SERPINB8: variants seen among roughly 807,000 people sequenced by gnomAD.
SERPINB8 encodes serpin family B member 8, also known as serpin B8.
In SERPINB8, 25 loss-of-function variants were observed where a neutral mutation model predicts 35.3. The observed-to-expected ratio is 0.71, with a 90% CI of 0.52 to 0.99. SERPINB8 has a LOEUF of 0.99. Ranked by LOEUF, SERPINB8 falls within the 50% of genes least tolerant of loss-of-function variation. SERPINB8 has a pLI of 0.00. For synonymous variants in SERPINB8, 186 were observed against 160.8 expected (o/e 1.16, Z -1.19); for missense variants, 484 against 446.5 (o/e 1.08, Z -0.76).
chr18:64,016,273 C>A (rs758611052), intron 7 of SERPINB8, among the ~76,000 whole-genome samples: 2 of 152,188 alleles, frequency 1.3e-5, no homozygotes, highest in Non-Finnish European at 2.9e-5. Flanking sequence ...CTAGCTATCT[C>A]TACTGAGACC....
At chr18:63,986,218 G>T (rs568306666) in intron 6 of SERPINB8, 1 of 1,595,354 alleles carries the variant, frequency 6.3e-7, no homozygotes, top group African/African-American at 1.3e-5. Flanking sequence ...CTAGTGGAAG[G>T]CCTTTCTCCC....
downstream of SERPINB8, among the ~76,000 whole-genome samples, chr18:63,992,108 A>G (rs957582060): frequency 6.6e-6 from 1 of 152,180 alleles, no homozygotes; most frequent in Non-Finnish European, 1.5e-5. Flanking sequence ...ATTTTGTAAT[A>G]TCTTTGTCTC....
chr18:63,986,657 G>A, intron 6 of SERPINB8: 1 of 1,346,082 alleles, frequency 7.4e-7, no homozygotes, highest in South Asian at 2.1e-5. Flanking sequence ...TGTCTCAGGT[G>A]TTTACTAGCT....
At chr18:64,004,951 A>T (rs973253579) in exon 2 of SERPINB8, 1 of 398,000 alleles carries the variant, frequency 2.5e-6, no homozygotes, top group Non-Finnish European at 4.4e-6. Flanking sequence ...AAACTCTCTA[A>T]AAGAGGCAAT....
Position 63,987,029 on chromosome 18 carries a change from T to A in SERPINB8, c.876T>A (p.Phe292Leu). 1 of 1,614,216 alleles carries A rather than the reference T, an allele frequency of 6.2e-7. No individual in the cohort carries two copies. The highest frequency in any genetic ancestry group is 1.1e-5 in the South Asian group (1 of 91,088). Residue 292 changes from phenylalanine (F) to leucine (L), a missense_variant, in exon 7 of 7, where the codon TTT becomes TTA. Phe to Leu is a conservative substitution (Grantham distance 22). Transcript: ENST00000397985. ...GAAGATTAGGAATGATCGATGCTTT[T>A]GACGAAGCCAAGGCAGACTTTTCTG... ...FLRRLGMIDA[F>L]DEAKADFSGM...
chr18:63,999,304 T>C (rs778430316), intron 1 of SERPINB8, among the ~76,000 whole-genome samples: 11 of 152,134 alleles, frequency 7.2e-5, no homozygotes, highest in Non-Finnish European at 1.2e-4. Flanking sequence ...ATAGCATGAG[T>C]GGACATTTCT....
intron 1 of SERPINB8, among the ~76,000 whole-genome samples, chr18:63,974,660 G>A (rs2050552321): frequency 6.6e-6 from 1 of 152,120 alleles, no homozygotes; most frequent in East Asian, 1.9e-4. Context: ...GTATTATTTT[G>A]TATTAAAATT....
chr18:63,995,627 T>C (rs2050845489), intron 1 of SERPINB8, among the ~76,000 whole-genome samples: 1 of 152,318 alleles, frequency 6.6e-6, no homozygotes, highest in South Asian at 2.1e-4. Context: ...AGGGTCATCT[T>C]AGTGGGACAT....
At chr18:63,976,987 A>G (rs1228025853) in intron 1 of SERPINB8, among the ~76,000 whole-genome samples, 1 of 152,066 alleles carries the variant, frequency 6.6e-6, no homozygotes, top group African/African-American at 2.4e-5. Flanking sequence ...ATTTGGTGAA[A>G]TGTATCTAGC....
At chr18:63,996,483 T>TCCA (rs1478104964) in intron 1 of SERPINB8, among the ~76,000 whole-genome samples, 39 of 152,198 alleles carry the variant, frequency 2.6e-4, no homozygotes, top group Non-Finnish European at 5.4e-4. Flanking sequence ...AGGATCAACT[T>TCCA]GCCTTTATGT....
In SERPINB8 at chr18:63,987,665, C is replaced by T. The variant is rs2050783677; in HGVS notation, c.*387C>T. The T allele has an allele frequency of 5.4e-6, 1 of 185,844 alleles. No homozygotes were observed. The highest frequency in any genetic ancestry group is 5.5e-5 in the Admixed American group (1 of 18,188). The allele number at this position is 185,844 out of a possible 1,614,324, so 11.5% of individuals were successfully genotyped here. On this transcript the variant is annotated 3_prime_UTR_variant, in exon 7 of 7. Transcript: ENST00000397985. ...ACAGGGGACTAGTGCCCAGGTGACA[C>T]TGCACACAAAGCCAAGGGCAAACCC...
chr18:63,982,667 C>A (rs2050690563), intron 4 of SERPINB8, among the ~76,000 whole-genome samples: 2 of 152,174 alleles, frequency 1.3e-5, no homozygotes, highest in Admixed American at 1.3e-4. Flanking sequence ...CATACATCAT[C>A]TGCCTAGTGG....
intron 1 of SERPINB8, among the ~76,000 whole-genome samples, chr18:63,997,880 C>T (rs1022673960): frequency 6.6e-6 from 1 of 152,192 alleles, no homozygotes; most frequent in Non-Finnish European, 1.5e-5. Flanking sequence ...ATGAGCCAAT[C>T]AAGGCAATGA....
chr18:63,975,724 T>A (rs889446155), intron 1 of SERPINB8, among the ~76,000 whole-genome samples: 1 of 152,248 alleles, frequency 6.6e-6, no homozygotes, highest in East Asian at 1.9e-4. Context: ...ATAAGCTCAC[T>A]TTTTTGTTTA....
chr18:64,013,120 GC>G (rs2050933283), intron 7 of SERPINB8, among the ~76,000 whole-genome samples: 1 of 151,890 alleles, frequency 6.6e-6, no homozygotes, highest in Admixed American at 6.6e-5. Context: ...ATTCTGGGTT[GC>G]CGATTACTCT....
intron 4 of SERPINB8, 50 bp downstream of exon 4, chr18:63,981,888 T>C: frequency 7.4e-7 from 1 of 1,345,494 alleles, no homozygotes; most frequent in Middle Eastern, 1.8e-4. Context: ...CAACGAGGCT[T>C]AGATTGACTG....
At chr18:63,970,432 G>A (rs1386517034) in intron 1 of SERPINB8, 1 of 162,874 alleles carries the variant, frequency 6.1e-6, no homozygotes, top group African/African-American at 2.4e-5. Flanking sequence ...GCCGAGGGCC[G>A]GGTCCCGAGA....
exon 8 of SERPINB8, chr18:64,019,393 A>G (rs925597022): frequency 2.6e-5 from 4 of 152,252 alleles, no homozygotes; most frequent in African/African-American, 9.7e-5. Context: ...TCAAGTCCTC[A>G]TCATTTCTCT....
chr18:63,998,935 C>G (rs889866996), intron 1 of SERPINB8, among the ~76,000 whole-genome samples: 1 of 152,148 alleles, frequency 6.6e-6, no homozygotes, highest in Admixed American at 6.5e-5. Flanking sequence ...CAAATAGAAA[C>G]TTTGATGGAA....
Sources: gnomAD v4.1 joint callset for allele counts (sites outside exome capture counted in the v4.1 genomes callset) on GRCh38, gnomAD v4.1.1 for gene constraint, MANE v1.5 for transcripts, NCBI Gene and HGNC (gene_info 2026-07-23, HGNC 2026-07-21) for gene names.